ASCC3: variants seen among roughly 807,000 people sequenced by gnomAD.
ASCC3 encodes the protein ASC-1 complex subunit P200.
Under a neutral mutation model 256.3 loss-of-function variants are expected in ASCC3, and 158 were observed. The ratio of observed to expected loss-of-function variants is 0.62; its 90% CI spans 0.54 to 0.70. The LOEUF (loss-of-function observed/expected upper bound fraction) is 0.70. ASCC3 is among the 30% of genes least tolerant of loss of function. The pLI is 0.00. For synonymous variants in ASCC3, 948 were observed against 883.4 expected (o/e 1.07, Z -1.30); for missense variants, 2,259 against 2,626.0 (o/e 0.86, Z 3.05).
At position 100,794,283 on chromosome 6, in the gene ASCC3, G is replaced by A. The variant is rs73504995; in HGVS notation, c.1395+4430C>T. Among the ~76,000 whole-genome samples the A allele has an allele frequency of 9.3e-3, 1,421 of 152,126 alleles. 25 individuals carry two copies. Among genetic ancestry groups the A allele is most frequent in the African/African-American group, 0.032 (1,332 of 41,526 alleles). On this transcript the variant is annotated intron_variant, in intron 8 of 41. Coordinates refer to ENST00000369162, the MANE Select transcript of ASCC3 (RefSeq NM_006828.4). ...GCATGGTTTTCAAAGCCCTTCATGT[G>A]CAGGCAATTGTCTTTTTCCAGTCTC... is the stretch of plus-strand genomic sequence containing the variant.
intron 36 of ASCC3, among the ~76,000 whole-genome samples, chr6:100,548,653 T>C (rs1163790466): frequency 1.3e-5 from 2 of 151,808 alleles, no homozygotes; most frequent in African/African-American, 4.8e-5. Flanking sequence ...CATGGAAACA[T>C]GAGAGAGTTT....
chr6:100,553,862 A>G (rs1476131189), intron 36 of ASCC3, among the ~76,000 whole-genome samples: 1 of 152,146 alleles, frequency 6.6e-6, no homozygotes, highest in South Asian at 2.1e-4. Flanking sequence ...AGAAAAAAAT[A>G]TTTAGCCTAC....
chr6:100,803,798 A>T (rs562609182), intron 5 of ASCC3, among the ~76,000 whole-genome samples: 1 of 152,306 alleles, frequency 6.6e-6, no homozygotes, highest in African/African-American at 2.4e-5. Flanking sequence ...AGCTGTTTTT[A>T]TCATTTCCTT....
At chr6:100,650,319 C>T (rs1467158812) in intron 20 of ASCC3, among the ~76,000 whole-genome samples, 1 of 151,436 alleles carries the variant, frequency 6.6e-6, no homozygotes, top group Non-Finnish European at 1.5e-5. Context: ...ATCAACATCA[C>T]CAAAAAAAGC....
intron 4 of ASCC3, among the ~76,000 whole-genome samples, chr6:100,817,323 A>G (rs1770801699): frequency 6.6e-6 from 1 of 151,858 alleles, no homozygotes; most frequent in African/African-American, 2.4e-5. Flanking sequence ...ATATATAAAG[A>G]AAAAGTGAGA....
intron 4 of ASCC3, among the ~76,000 whole-genome samples, chr6:100,835,385 T>C (rs1771825473): frequency 6.6e-6 from 1 of 152,170 alleles, no homozygotes; most frequent in Admixed American, 6.5e-5. Context: ...TCTTATGTTG[T>C]TGTCTAGTAG....
rs923304023 is a variant in ASCC3 at position 100,568,682 on chromosome 6, C to CT, written c.5550+20951dup. Among the ~76,000 whole-genome samples the CT allele has an allele frequency of 1.2e-3, 174 of 151,146 alleles. 1 individual carries two copies. Among genetic ancestry groups the CT allele is most frequent in the African/African-American group, 3.9e-3 (162 of 41,346 alleles). Reference sequence around the variant, plus strand: ...AATAGTTTCTTTTGCTGTGCAGAAGCTCTTTGGTTTAATTAAGTCTCACTT... The same window carrying CT: ...AATAGTTTCTTTTGCTGTGCAGAAGCTTCTTTGGTTTAATTAAGTCTCACTT... On this transcript the variant is annotated intron_variant, in intron 36 of 41. Coordinates refer to ENST00000369162, the MANE Select transcript of ASCC3 (RefSeq NM_006828.4).
chr6:100,530,096 A>C (rs1774793831), intron 37 of ASCC3, among the ~76,000 whole-genome samples: 1 of 152,198 alleles, frequency 6.6e-6, no homozygotes, highest in East Asian at 1.9e-4. Flanking sequence ...TTAAATTTGC[A>C]AGCATAGGTT....
chr6:100,844,822 C>A (rs1772312297), intron 4 of ASCC3, among the ~76,000 whole-genome samples: 1 of 151,890 alleles, frequency 6.6e-6, no homozygotes, highest in Non-Finnish European at 1.5e-5. Flanking sequence ...TAGTACAACA[C>A]GCAGGAGGAC....
chr6:100,748,224 T>A (rs1780775513), intron 10 of ASCC3, among the ~76,000 whole-genome samples: 1 of 151,920 alleles, frequency 6.6e-6, no homozygotes, highest in Non-Finnish European at 1.5e-5. Flanking sequence ...GTCTTTGAAT[T>A]GTAAGAGCCA....
At chr6:100,869,444 A>G (rs890044548) in intron 1 of ASCC3, among the ~76,000 whole-genome samples, 8 of 152,212 alleles carry the variant, frequency 5.3e-5, no homozygotes, top group Non-Finnish European at 1.0e-4. Context: ...TATAACAACT[A>G]TAATAGAAAT....
intron 36 of ASCC3, among the ~76,000 whole-genome samples, chr6:100,573,574 AGAGT>A (rs1307005996): frequency 1.3e-5 from 2 of 152,170 alleles, no homozygotes; most frequent in Admixed American, 6.6e-5. Flanking sequence ...TACTCAACGT[AGAGT>A]GAGAGGTGGT....
chr6:100,610,219 C>T (rs1773326342), intron 30 of ASCC3, among the ~76,000 whole-genome samples: 2 of 152,168 alleles, frequency 1.3e-5, no homozygotes, highest in Non-Finnish European at 2.9e-5. Flanking sequence ...GATCTTATTT[C>T]CTTTTTTCTA....
chr6:100,550,832 G>T (rs1003492000), intron 36 of ASCC3, among the ~76,000 whole-genome samples: 2 of 151,862 alleles, frequency 1.3e-5, no homozygotes, highest in African/African-American at 4.8e-5. Flanking sequence ...TTTGACCACT[G>T]CCAGTAGTAT....
chr6:100,535,104 T>A (rs1249729121), intron 37 of ASCC3, among the ~76,000 whole-genome samples: 1 of 152,176 alleles, frequency 6.6e-6, no homozygotes, highest in East Asian at 1.9e-4. Context: ...AGAGGTTAAG[T>A]GACTTGCCTA....
chr6:100,770,682 T>C (rs1266462267), intron 8 of ASCC3, among the ~76,000 whole-genome samples: 2 of 152,118 alleles, frequency 1.3e-5, no homozygotes, highest in Non-Finnish European at 1.5e-5. Flanking sequence ...ATTACATTTC[T>C]ATATACCGGC....
rs113296635 is a variant in ASCC3, at chr6:100,687,036, A to T, written c.2152-7284T>A. Among the ~76,000 whole-genome samples, 932 of 105,166 alleles carry T rather than the reference A, an allele frequency of 8.9e-3. 4 individuals carry two copies. Among genetic ancestry groups the T allele is most frequent in the African/African-American group, 0.028 (681 of 24,394 alleles). The allele number at this position is 105,166 out of a possible 152,430, so 69.0% of individuals were successfully genotyped here. On this transcript the variant is annotated intron_variant, in intron 13 of 41. Transcript: ENST00000369162. ...ATCTCTCTCTCTCTCTCTCTCTCTC[A>T]CACACACACACACACACACACACAC...
chr6:100,596,120 T>C (rs1171105201), intron 34 of ASCC3, among the ~76,000 whole-genome samples: 1 of 152,154 alleles, frequency 6.6e-6, no homozygotes, highest in Non-Finnish European at 1.5e-5. Context: ...CAATAAAAGT[T>C]TTATAATCCC....
intron 36 of ASCC3, among the ~76,000 whole-genome samples, chr6:100,578,340 T>C (rs1321109042): frequency 1.3e-5 from 2 of 152,082 alleles, no homozygotes; most frequent in Non-Finnish European, 2.9e-5. Flanking sequence ...TTGTGGTGGT[T>C]TGGGGTACAG....
Sources: gnomAD v4.1 joint callset for allele counts (sites outside exome capture counted in the v4.1 genomes callset) on GRCh38, gnomAD v4.1.1 for gene constraint, MANE v1.5 for transcripts, NCBI Gene and HGNC (gene_info 2026-07-23, HGNC 2026-07-21) for gene names.